The following MAP3K20 variants were observed in gnomAD, a reference collection of about 807,000 sequenced individuals.
MAP3K20 encodes HCCS-4.
In MAP3K20, 40 loss-of-function variants were observed where a neutral mutation model predicts 85.7. The ratio of observed to expected loss-of-function variants is 0.47; its 90% CI spans 0.36 to 0.61. The LOEUF (loss-of-function observed/expected upper bound fraction) is 0.61, where lower values mean the gene tolerates loss of function less well. Ranked by LOEUF, MAP3K20 falls within the 20% of genes least tolerant of loss-of-function variation. MAP3K20 has a pLI of 0.00. For synonymous variants in MAP3K20, 325 were observed against 327.7 expected (o/e 0.99, Z 0.09); for missense variants, 817 against 961.7 (o/e 0.85, Z 1.99).
chr2:173,107,728 A>G (rs1478143394), intron 2 of MAP3K20, among the ~76,000 whole-genome samples: 4 of 152,102 alleles, frequency 2.6e-5, no homozygotes, highest in Non-Finnish European at 5.9e-5. Context: ...ACCAAGCCTT[A>G]GTTTCCTTTT....
At chr2:173,173,259 C>T (rs1020136048) in intron 3 of MAP3K20, among the ~76,000 whole-genome samples, 3 of 151,112 alleles carry the variant, frequency 2.0e-5, no homozygotes, top group Non-Finnish European at 4.4e-5. Flanking sequence ...GAAGGAGTTG[C>T]TGGATACCAG....
chr2:173,122,078 T>A (rs973610372), intron 2 of MAP3K20, among the ~76,000 whole-genome samples: 7 of 152,256 alleles, frequency 4.6e-5, no homozygotes, highest in Non-Finnish European at 8.8e-5. Context: ...TCACCAATCT[T>A]ACAATCTTCT....
intron 9 of MAP3K20, among the ~76,000 whole-genome samples, chr2:173,208,396 T>C (rs2106300863): frequency 1.4e-5 from 1 of 70,258 alleles, no homozygotes; most frequent in Admixed American, 1.6e-4. Flanking sequence ...AGACTCTGTC[T>C]TAAAAAAAAA....
intron 2 of MAP3K20, among the ~76,000 whole-genome samples, chr2:173,121,998 A>G (rs1688309609): frequency 6.6e-6 from 1 of 152,198 alleles, no homozygotes; most frequent in African/African-American, 2.4e-5. Context: ...ATATAATTGT[A>G]TTCATTTGAT....
intron 16 of MAP3K20, among the ~76,000 whole-genome samples, chr2:173,240,472 G>C (rs1159827715): frequency 6.6e-6 from 1 of 152,096 alleles, no homozygotes. Context: ...GTTTTTCCTG[G>C]GCCTTCCAAA....
At chr2:173,170,310 G>T (rs1452485206) in intron 3 of MAP3K20, among the ~76,000 whole-genome samples, 2 of 152,074 alleles carry the variant, frequency 1.3e-5, no homozygotes, top group African/African-American at 4.8e-5. Flanking sequence ...TTTCTTCAAG[G>T]TCTCTGACAT....
intron 2 of MAP3K20, among the ~76,000 whole-genome samples, chr2:173,105,629 A>C (rs1340556026): frequency 6.6e-6 from 1 of 152,186 alleles, no homozygotes; most frequent in Non-Finnish European, 1.5e-5. Flanking sequence ...AATCTTGAAA[A>C]CGTATGCTAA....
At chr2:173,184,001 A>C (rs1690411488) in intron 4 of MAP3K20, among the ~76,000 whole-genome samples, 1 of 152,212 alleles carries the variant, frequency 6.6e-6, no homozygotes, top group African/African-American at 2.4e-5. Context: ...CTGCTGAATG[A>C]TGCCTCATTA....
chr2:173,117,746 T>C (rs1688166286), intron 2 of MAP3K20, among the ~76,000 whole-genome samples: 1 of 152,218 alleles, frequency 6.6e-6, no homozygotes. Context: ...ATAAAAATCA[T>C]TTTTGGCTAC....
intron 9 of MAP3K20, among the ~76,000 whole-genome samples, chr2:173,204,880 G>T (rs961618159): frequency 6.6e-6 from 1 of 152,040 alleles, no homozygotes; most frequent in Non-Finnish European, 1.5e-5. Context: ...GAGGCAGGCG[G>T]ATCATGAGGT....
At chr2:173,126,053 A>G (rs181730463) in intron 2 of MAP3K20, among the ~76,000 whole-genome samples, 73 of 152,336 alleles carry the variant, frequency 4.8e-4, no homozygotes, top group African/African-American at 1.6e-3. Flanking sequence ...TTATACCACT[A>G]GAATGATTAA....
chr2:173,190,859 A>C, intron 5 of MAP3K20, 36 bp from the exon 6 acceptor site: 1 of 1,547,516 alleles, frequency 6.5e-7, no homozygotes, highest in Admixed American at 1.8e-5. Context: ...AACAAATTAG[A>C]TGATTGTCAT....
At chr2:173,249,959 C>T (rs1050606165) in intron 16 of MAP3K20, among the ~76,000 whole-genome samples, 1 of 152,144 alleles carries the variant, frequency 6.6e-6, no homozygotes, top group Admixed American at 6.5e-5. Context: ...AACAACCCCC[C>T]AAAAGGCAAT....
chr2:173,097,796 G>A (rs1023919246), intron 2 of MAP3K20, among the ~76,000 whole-genome samples: 4 of 152,126 alleles, frequency 2.6e-5, no homozygotes, highest in East Asian at 1.9e-4. Context: ...ATATAAAGGG[G>A]AAAATACCTG....
intron 7 of MAP3K20, chr2:173,192,796 C>T (rs867496158): frequency 7.9e-5 from 12 of 152,150 alleles, no homozygotes; most frequent in Middle Eastern, 3.2e-3. Flanking sequence ...TTTACTGAGG[C>T]ACACACCACC....
At chr2:173,189,444 C>T (rs764898744) in intron 5 of MAP3K20, among the ~76,000 whole-genome samples, 2 of 152,120 alleles carry the variant, frequency 1.3e-5, no homozygotes, top group Non-Finnish European at 2.9e-5. Flanking sequence ...AGAACTTTAT[C>T]CTTGGACTCA....
intron 3 of MAP3K20, among the ~76,000 whole-genome samples, chr2:173,176,560 T>C (rs1030962655): frequency 4.6e-5 from 7 of 152,068 alleles, no homozygotes; most frequent in African/African-American, 1.7e-4. Flanking sequence ...ATTCGATAAA[T>C]ATAATAAAAA....
chr2:173,086,308 T>A (rs1467892053), intron 1 of MAP3K20, among the ~76,000 whole-genome samples: 1 of 152,182 alleles, frequency 6.6e-6, no homozygotes, highest in Non-Finnish European at 1.5e-5. Context: ...TTCATTCTTC[T>A]CGTCATAAAT....
At position 173,266,085 on chromosome 2, in the gene MAP3K20, C is replaced by T. The variant is rs7593622; in HGVS notation, c.1738C>T (p.Arg580Trp). Reference protein sequence around the residue: ...DCQWLDTLRMRQIASNTSLQR... With the variant: ...DCQWLDTLRMWQIASNTSLQR... ...CCAGTGGTTAGATACTCTGAGGATG[C>T]GGCAGATTGCATCCAACACTTCTTT... Residue 580 changes from arginine to tryptophan, a missense_variant, in exon 20 of 20, where the codon CGG (arginine) becomes TGG (tryptophan). Physicochemically the swap from Arg to Trp is moderately radical, Grantham distance 101. Around this residue, in one of 4 missense-constraint regions of MAP3K20, gnomAD observed 454 missense variants for 476.9 expected, o/e 0.95. Transcript: ENST00000375213. 4,581 of 1,592,514 alleles carry T rather than the reference C, an allele frequency of 2.9e-3. 110 individuals carry two copies. In the African/African-American group the frequency reaches 0.051, roughly 18 times the overall value.
Sources: allele counts gnomAD v4.1 joint callset (sites outside exome capture counted in the v4.1 genomes callset), GRCh38; gene constraint gnomAD v4.1.1; regional missense constraint gnomAD v4.1.1; transcripts MANE v1.5; gene names NCBI Gene and HGNC (gene_info 2026-07-23, HGNC 2026-07-21).